Variants in TTC7B observed in about 807,000 individuals in gnomAD.
TTC7B encodes tetratricopeptide repeat domain 7B.
Under a neutral mutation model 106.8 loss-of-function variants are expected in TTC7B, and 28 were observed. That is an observed-to-expected ratio of 0.26 (90% CI 0.19 to 0.36). TTC7B has a LOEUF of 0.36. TTC7B is among the 10% of genes least tolerant of loss of function. TTC7B has a pLI of 1.00. For missense variants in TTC7B, 862 were observed against 1,076.4 expected, an observed-to-expected ratio of 0.80 and a Z score of 2.79; for synonymous variants, 405 against 430.6, an observed-to-expected ratio of 0.94 and a Z score of 0.74.
At chr14:90,641,153 T>C (rs1426016791) in intron 15 of TTC7B, among the ~76,000 whole-genome samples, 1 of 152,206 alleles carries the variant, frequency 6.6e-6, no homozygotes, top group Non-Finnish European at 1.5e-5. Flanking sequence ...GCTGAGATGG[T>C]ACCTCTCAGC....
rs1342202491 is a variant in TTC7B at position 90,730,129 on chromosome 14, CCTAGTT to C, written c.638_643del (p.Glu213_Leu214del). 1 of 1,613,824 alleles carries C rather than the reference CCTAGTT, an allele frequency of 6.2e-7. No homozygotes were observed. The highest frequency in any genetic ancestry group is 1.7e-5 in the Admixed American group (1 of 59,946). ...CTGAAGTCCTGTTTCTAGGAAAAAA[CCTAGTT>C]CTTGATCGTGGGGAGCAGGGCCAGG... On this transcript the variant is annotated inframe_deletion, in exon 5 of 20. Coordinates refer to ENST00000328459, the MANE Select transcript of TTC7B (RefSeq NM_001010854.2).
At chr14:90,643,030 T>A (rs1885250792) in intron 15 of TTC7B, among the ~76,000 whole-genome samples, 1 of 152,158 alleles carries the variant, frequency 6.6e-6, no homozygotes. Flanking sequence ...ACTTAATATT[T>A]TTCTTTAAAT....
At chr14:90,789,110 G>A (rs1236640210) in intron 1 of TTC7B, among the ~76,000 whole-genome samples, 1 of 151,936 alleles carries the variant, frequency 6.6e-6, no homozygotes, top group Admixed American at 6.6e-5. Context: ...GTTTTGTTTT[G>A]TTTTTCTTGA....
rs1254104438 is a variant in TTC7B at position 90,655,937 on chromosome 14, G to C, written c.1342-827C>G. On this transcript the variant is annotated intron_variant, in intron 11 of 19. Transcript: ENST00000328459. ...TACAGTAATAAATAAAGCCAGAGCTGGGAGGAGGGCAGTAGTCACTGCTGG... is the reference window on the plus strand; with the variant it reads ...TACAGTAATAAATAAAGCCAGAGCTCGGAGGAGGGCAGTAGTCACTGCTGG... 2.6e-5 allele frequency among the ~76,000 whole-genome samples: 4 copies of C among 152,108 alleles called. No individual in the cohort carries two copies. In the East Asian group the frequency reaches 7.7e-4, roughly 29 times the overall value.
At chr14:90,797,363 C>G (rs2029947632) in intron 1 of TTC7B, among the ~76,000 whole-genome samples, 1 of 148,344 alleles carries the variant, frequency 6.7e-6, no homozygotes, top group African/African-American at 2.4e-5. Context: ...GAGGCTAAGG[C>G]AGGAGAATCA....
chr14:90,699,498 A>G (rs1182744120), intron 5 of TTC7B: 1 of 315,898 alleles, frequency 3.2e-6, no homozygotes, highest in Admixed American at 4.7e-5. Context: ...CAATACACTT[A>G]AATTCAATAT....
chr14:90,558,404 G>T (rs1295016615), intron 19 of TTC7B, among the ~76,000 whole-genome samples: 1 of 152,256 alleles, frequency 6.6e-6, no homozygotes. Context: ...AGCCCACCCC[G>T]GGCGCTGCTC....
Position 90,720,754 on chromosome 14 carries a change from G to A in TTC7B, c.698+9321C>T, listed in dbSNP as rs74703373. Reference sequence around the variant, plus strand: ...CCATCTTTCTAAAAGAAAAGCTGCAGGTGAAAAGCTAAGGTAAGAAAAGAA... The same window carrying A: ...CCATCTTTCTAAAAGAAAAGCTGCAAGTGAAAAGCTAAGGTAAGAAAAGAA... On this transcript the variant is annotated intron_variant, in intron 5 of 19. Coordinates refer to ENST00000328459, the MANE Select transcript of TTC7B (RefSeq NM_001010854.2). 2.6e-4 allele frequency among the ~76,000 whole-genome samples: 40 copies of A among 152,278 alleles called. 1 individual carries two copies. In the East Asian group the frequency reaches 7.5e-3, roughly 29 times the overall value.
At chr14:90,665,467 C>T (rs1422920810) in intron 9 of TTC7B, among the ~76,000 whole-genome samples, 1 of 152,188 alleles carries the variant, frequency 6.6e-6, no homozygotes, top group African/African-American at 2.4e-5. Flanking sequence ...GCTTTTCTGG[C>T]ATCAGAAAGG....
intron 5 of TTC7B, among the ~76,000 whole-genome samples, chr14:90,709,845 T>G (rs938833288): frequency 1.3e-5 from 2 of 151,672 alleles, no homozygotes; most frequent in Non-Finnish European, 2.9e-5. Context: ...TTATATATAA[T>G]TTATGTTTGA....
intron 18 of TTC7B, among the ~76,000 whole-genome samples, chr14:90,582,985 G>C (rs931726252): frequency 2.6e-5 from 4 of 152,176 alleles, no homozygotes; most frequent in African/African-American, 9.7e-5. Context: ...CTAGGCATGT[G>C]GCTGGGCCTC....
At chr14:90,591,067 C>T (rs145903470) in intron 18 of TTC7B, among the ~76,000 whole-genome samples, 196 of 152,288 alleles carry the variant, frequency 1.3e-3, no homozygotes, top group African/African-American at 4.0e-3. Context: ...AGGCTGGGCA[C>T]GGTGCCTCAC....
intron 7 of TTC7B, among the ~76,000 whole-genome samples, chr14:90,683,080 C>A (rs1295247288): frequency 6.6e-6 from 1 of 152,126 alleles, no homozygotes; most frequent in Non-Finnish European, 1.5e-5. Context: ...CACAATCATA[C>A]AAAAGAAATT....
chr14:90,807,687 T>A lies in TTC7B; in HGVS notation c.121+8488A>T, dbSNP rs1215306683. ...CAGAGCAAAGGCTCCCACACTTGCC[T>A]ACTCAAACTAACTGAGGCTGTTTAC... On this transcript the variant is annotated intron_variant, in intron 1 of 19. Coordinates refer to ENST00000328459, the MANE Select transcript of TTC7B (RefSeq NM_001010854.2). The surrounding 1 kb of genome is among the most constrained non-coding windows in gnomAD (Gnocchi z 4.1). 3.9e-5 allele frequency among the ~76,000 whole-genome samples: 6 copies of A among 152,274 alleles called. No homozygotes were observed. The highest frequency in any genetic ancestry group is 1.2e-4 in the African/African-American group (5 of 41,466).
At chr14:90,790,421 C>A (rs1566889518) in intron 1 of TTC7B, among the ~76,000 whole-genome samples, 1 of 151,798 alleles carries the variant, frequency 6.6e-6, no homozygotes, top group East Asian at 1.9e-4. Flanking sequence ...TTTTAAATTC[C>A]AAAAAACAAA....
chr14:90,552,283 C>A (rs1014815299), intron 19 of TTC7B, among the ~76,000 whole-genome samples: 4 of 152,244 alleles, frequency 2.6e-5, no homozygotes, highest in African/African-American at 7.2e-5. Context: ...ACCTTCTGGG[C>A]ACCAGGCAGG....
chr14:90,689,486 C>T (rs1887379875), intron 7 of TTC7B, 54 bp downstream of exon 7: 13 of 1,498,354 alleles, frequency 8.7e-6, no homozygotes, highest in Admixed American at 6.1e-5. Flanking sequence ...CTTGAATTTT[C>T]CCAAGTTTTC....
intron 15 of TTC7B, among the ~76,000 whole-genome samples, chr14:90,618,980 TG>T (rs1298495449): frequency 6.6e-6 from 1 of 152,218 alleles, no homozygotes; most frequent in Admixed American, 6.5e-5. Context: ...CTTGGCTCAC[TG>T]CAACCTCTAC....
At chr14:90,612,288 A>T (rs890034445) in intron 16 of TTC7B, among the ~76,000 whole-genome samples, 1 of 152,178 alleles carries the variant, frequency 6.6e-6, no homozygotes, top group African/African-American at 2.4e-5. Flanking sequence ...GTACATGCAA[A>T]TTTTCACTCA....
Sources: gnomAD v4.1 joint callset for allele counts (sites outside exome capture counted in the v4.1 genomes callset) on GRCh38, gnomAD v4.1.1 for gene constraint, Gnocchi (gnomAD v3.1) non-coding constraint, MANE v1.5 for transcripts, NCBI Gene and HGNC (gene_info 2026-07-23, HGNC 2026-07-21) for gene names.